C12orf54: variants seen among roughly 807,000 people sequenced by gnomAD.
C12orf54 encodes the protein uncharacterized protein C12orf54.
C12orf54 carries 24 observed loss-of-function variants against 26.4 expected under a neutral mutation model. The observed-to-expected ratio is 0.91, with a 90% CI of 0.66 to 1.28. The LOEUF (loss-of-function observed/expected upper bound fraction) is 1.28. C12orf54 is among the 50% of genes most tolerant of loss of function. The pLI is 0.00. For missense variants in C12orf54, 154 were observed against 150.9 expected (o/e 1.02, Z -0.11); for synonymous variants, 54 against 47.0 (o/e 1.15, Z -0.61).
the C12orf54 span, among the ~76,000 whole-genome samples, chr12:48,474,552 G>A: frequency 1.1e-4 from 17 of 152,266 alleles, no homozygotes; most frequent in Non-Finnish European, 8.8e-5. Flanking sequence ...CTAGTACTGC[G>A]CTTTTCCAAT....
rs187445297 is a variant in C12orf54, at chr12:48,485,700, C to A, written c.66-478C>A. 2.6e-4 allele frequency among the ~76,000 whole-genome samples: 40 copies of A among 152,332 alleles called. No individual in the cohort carries two copies. In the East Asian group the frequency reaches 7.7e-3, roughly 29 times the overall value. ...GTTGTGCTGCCAAGAATAAGCAAAT[C>A]TTTCCACTTCTTCAGCCTTCCATCC... is the stretch of plus-strand genomic sequence containing the variant. On this transcript the variant is annotated intron_variant, in intron 2 of 8. Transcript: ENST00000548364.
chr12:48,441,990 A>C, the C12orf54 span: 1 of 152,220 alleles, frequency 6.6e-6, no homozygotes, highest in Non-Finnish European at 1.5e-5. Flanking sequence ...AGTTCTATCC[A>C]GTTCCCTCAT....
At chr12:48,465,786 A>G in the C12orf54 span, among the ~76,000 whole-genome samples, 1 of 152,198 alleles carries the variant, frequency 6.6e-6, no homozygotes, top group Non-Finnish European at 1.5e-5. Context: ...ACTAGAAGCC[A>G]TTATCCTTAG....
rs1485497934 is a variant in C12orf54, at chr12:48,484,700, A to T, written c.65+1339A>T. On this transcript the variant is annotated intron_variant, in intron 2 of 8. Coordinates refer to ENST00000548364, the MANE Select transcript of C12orf54 (RefSeq NM_152319.4). ...TGACTATAATTAACAATAATTTATT[A>T]TGTATTTCAAAATAGTTAGCTGAGA... 3.9e-5 allele frequency among the ~76,000 whole-genome samples: 6 copies of T among 152,386 alleles called. No individual in the cohort carries two copies. In the East Asian group the frequency reaches 1.2e-3, roughly 29 times the overall value.
chr12:48,416,532 C>T, the C12orf54 span, among the ~76,000 whole-genome samples: 1 of 152,162 alleles, frequency 6.6e-6, no homozygotes, highest in Non-Finnish European at 1.5e-5. Flanking sequence ...GCCATTGTAT[C>T]ACCATTAAGA....
At chr12:48,488,481 CAAAAA>C in intron 4 of C12orf54, 9 of 203,482 alleles carry the variant, frequency 4.4e-5, no homozygotes, top group South Asian at 1.8e-4. Flanking sequence ...AACTTACAGC[CAAAAA>C]AAAAAAAAAG....
At chr12:48,460,977 T>C in the C12orf54 span, among the ~76,000 whole-genome samples, 1 of 152,028 alleles carries the variant, frequency 6.6e-6, no homozygotes, top group African/African-American at 2.4e-5. Flanking sequence ...TAACCAGATT[T>C]GATTTTTTAA....
chr12:48,427,114 G>C, the C12orf54 span, among the ~76,000 whole-genome samples: 118 of 152,240 alleles, frequency 7.8e-4, 1 homozygote, highest in African/African-American at 2.7e-3. Context: ...CCAATACTAT[G>C]TTGAATAGGA....
the C12orf54 span, among the ~76,000 whole-genome samples, chr12:48,418,001 T>A: frequency 6.6e-6 from 1 of 152,162 alleles, no homozygotes; most frequent in South Asian, 2.1e-4. Flanking sequence ...GCACCTAGGT[T>A]GATTCCATGT....
the C12orf54 span, among the ~76,000 whole-genome samples, chr12:48,462,068 T>C: frequency 2.0e-5 from 3 of 151,536 alleles, no homozygotes; most frequent in African/African-American, 7.2e-5. Context: ...GTGACTTTAC[T>C]ACAAATTGTA....
At chr12:48,446,209 T>G in the C12orf54 span, among the ~76,000 whole-genome samples, 1 of 152,210 alleles carries the variant, frequency 6.6e-6, no homozygotes, top group African/African-American at 2.4e-5. Flanking sequence ...CTGACATTGT[T>G]TTTTAAGACC....
the C12orf54 span, among the ~76,000 whole-genome samples, chr12:48,437,283 C>T: frequency 0.017 from 2,565 of 152,098 alleles, 78 homozygotes; most frequent in African/African-American, 0.058. Context: ...AAAAAAAGTC[C>T]GGGACCAGAT....
intron 3 of C12orf54, 82 bp downstream of exon 3, chr12:48,486,290 G>C: frequency 7.1e-7 from 1 of 1,414,900 alleles, no homozygotes; most frequent in South Asian, 1.2e-5. Context: ...TTGTAGACAG[G>C]AGGCCAAAAA....
chr12:48,474,412 C>T, the C12orf54 span, among the ~76,000 whole-genome samples: 1 of 152,172 alleles, frequency 6.6e-6, no homozygotes. Flanking sequence ...GTGGGTGCAG[C>T]ACACAGTGCA....
the C12orf54 span, among the ~76,000 whole-genome samples, chr12:48,431,903 A>C: frequency 0.96 from 146,649 of 152,240 alleles, 70,671 homozygotes; most frequent in East Asian, 1. Flanking sequence ...GATGGGTGCA[A>C]AACTCTGTAA....
chr12:48,483,093 C>T (rs1410438491), intron 1 of C12orf54, 147 bp from the exon 2 acceptor site: 1 of 571,348 alleles, frequency 1.8e-6, no homozygotes, highest in Non-Finnish European at 3.1e-6. Context: ...CATACATGCA[C>T]ATATATGCAA....
chr12:48,442,062 C>A, the C12orf54 span: 1 of 152,714 alleles, frequency 6.5e-6, no homozygotes, highest in Admixed American at 6.5e-5. Flanking sequence ...CTTCTCACAG[C>A]TGCCTTCACC....
chr12:48,474,983 T>A, the C12orf54 span, among the ~76,000 whole-genome samples: 1 of 152,192 alleles, frequency 6.6e-6, no homozygotes, highest in African/African-American at 2.4e-5. Context: ...GTAGCCTAAC[T>A]GGGAGGCACC....
At chr12:48,491,385 C>T (rs1041569841) in intron 6 of C12orf54, among the ~76,000 whole-genome samples, 10 of 152,186 alleles carry the variant, frequency 6.6e-5, no homozygotes, top group Non-Finnish European at 1.2e-4. Context: ...AGCGAATTAC[C>T]TCCCAAAGGC....
Sources: gnomAD v4.1 joint callset for allele counts (sites outside exome capture counted in the v4.1 genomes callset) on GRCh38, gnomAD v4.1.1 for gene constraint, MANE v1.5 for transcripts, NCBI Gene and HGNC (gene_info 2026-07-23, HGNC 2026-07-21) for gene names.